Variants in NEK11 observed in about 807,000 individuals in gnomAD.
NEK11 encodes NIMA related kinase 11.
A neutral mutation model predicts 80.7 loss-of-function variants in NEK11; 72 were observed. The observed-to-expected ratio is 0.89, with a 90% confidence interval of 0.74 to 1.08. The LOEUF is 1.08. NEK11 is among the 50% of genes least tolerant of loss of function. NEK11 has a pLI of 0.00. For synonymous variants in NEK11, 251 were observed against 260.7 expected (o/e 0.96, Z 0.36); for missense variants, 764 against 763.6 (o/e 1.00, Z -0.01).
chr3:131,256,513 T>C (rs2095819525), intron 16 of NEK11, among the ~76,000 whole-genome samples: 1 of 152,182 alleles, frequency 6.6e-6, no homozygotes, highest in Non-Finnish European at 1.5e-5. Flanking sequence ...AATGCAGAAA[T>C]ATTTTTTATG....
chr3:131,209,946 A>G (rs968052934), intron 14 of NEK11, among the ~76,000 whole-genome samples: 2 of 152,176 alleles, frequency 1.3e-5, no homozygotes, highest in Admixed American at 6.5e-5. Flanking sequence ...TCTTGGATTC[A>G]TTGATTTTTT....
At chr3:131,297,395 C>T (rs1431333785) in intron 17 of NEK11, among the ~76,000 whole-genome samples, 1 of 151,936 alleles carries the variant, frequency 6.6e-6, no homozygotes, top group African/African-American at 2.4e-5. Context: ...TTTTGATTTG[C>T]ATTTCTCTGA....
At chr3:131,217,683 A>G (rs1030192591) in intron 14 of NEK11, among the ~76,000 whole-genome samples, 3 of 151,884 alleles carry the variant, frequency 2.0e-5, no homozygotes, top group African/African-American at 7.3e-5. Flanking sequence ...CTTTCCCTCC[A>G]CCTTTCTGGA....
chr3:131,133,869 A>G lies in NEK11; in HGVS notation c.560A>G (p.Asp187Gly), dbSNP rs778592358. 3 of 1,612,068 alleles carry G rather than the reference A, an allele frequency of 1.9e-6. No homozygotes were observed. The highest frequency in any genetic ancestry group is 2.5e-6 in the Non-Finnish European group (3 of 1,178,534). Reference sequence around the variant, plus strand: ...TCTCGACTTCTAATGGGATCCTGTGACCTGGCCACAACTTTAACTGGAACT... The same window carrying G: ...TCTCGACTTCTAATGGGATCCTGTGGCCTGGCCACAACTTTAACTGGAACT... ...GVSRLLMGSCDLATTLTGTPH... is the reference protein window; with the variant it reads ...GVSRLLMGSCGLATTLTGTPH... Residue 187 changes from aspartate (D) to glycine (G), a missense_variant, in exon 7 of 18, where the codon GAC (aspartate) becomes GGC (glycine). Transcript: ENST00000383366.
chr3:131,228,779 T>A (rs574681387), intron 15 of NEK11, 91 bp downstream of exon 15: 1 of 1,323,780 alleles, frequency 7.6e-7, no homozygotes. Context: ...TAAGGTGAAG[T>A]TGGGGACATG....
chr3:131,224,618 G>C (rs2095134799), intron 14 of NEK11, among the ~76,000 whole-genome samples: 1 of 152,082 alleles, frequency 6.6e-6, no homozygotes. Context: ...GGTCCTTCGG[G>C]AGGTATTTCA....
intron 12 of NEK11, among the ~76,000 whole-genome samples, chr3:131,168,347 T>A (rs1350753119): frequency 6.6e-6 from 1 of 151,324 alleles, no homozygotes; most frequent in Non-Finnish European, 1.5e-5. Context: ...CTTTTTTTTT[T>A]TTTATTTTTA....
At chr3:131,058,344 T>C (rs1000632046) in intron 3 of NEK11, among the ~76,000 whole-genome samples, 4 of 152,062 alleles carry the variant, frequency 2.6e-5, no homozygotes. Context: ...CTTTGTTCTT[T>C]TGGCTTAGGA....
chr3:131,227,292 T>C (rs553434115), intron 14 of NEK11, among the ~76,000 whole-genome samples: 13 of 152,304 alleles, frequency 8.5e-5, no homozygotes, highest in Admixed American at 7.2e-4. Flanking sequence ...TATCTTACTT[T>C]CAAAGGATTC....
At chr3:131,218,789 T>G (rs1371806882) in intron 14 of NEK11, among the ~76,000 whole-genome samples, 1 of 152,208 alleles carries the variant, frequency 6.6e-6, no homozygotes, top group African/African-American at 2.4e-5. Flanking sequence ...GATTTGCGTT[T>G]CTCTAATGAC....
chr3:131,255,324 G>C (rs1304864897), intron 16 of NEK11, among the ~76,000 whole-genome samples: 2 of 152,056 alleles, frequency 1.3e-5, no homozygotes, highest in Non-Finnish European at 2.9e-5. Flanking sequence ...AGTAACATGT[G>C]ATCTGTTATC....
chr3:131,097,967 A>G, intron 4 of NEK11, among the ~76,000 whole-genome samples: 1 of 145,714 alleles, frequency 6.9e-6, no homozygotes, highest in Admixed American at 6.9e-5. Context: ...ATATAGATCA[A>G]TGGAACAGAA....
rs1214550397 is a variant in NEK11, at chr3:131,064,410, G to A, written c.171-16013G>A. ...CTCTGTTTTCACATGGCCTTTCTGT[G>A]TTTGTGCAAGCGTGTCCCTGGTCTC... is the stretch of plus-strand genomic sequence containing the variant. On this transcript the variant is annotated intron_variant, in intron 3 of 17. Transcript: ENST00000383366. Among the ~76,000 whole-genome samples the A allele has an allele frequency of 2.6e-5, 4 of 152,072 alleles. No individual in the cohort carries two copies. In the East Asian group the frequency reaches 7.7e-4, roughly 29 times the overall value.
rs137956269 is a variant in NEK11, at chr3:131,099,044, T to G, written c.337-10759T>G. On this transcript the variant is annotated intron_variant, in intron 4 of 17. Transcript: ENST00000383366. Reference sequence around the variant, plus strand: ...TTTGAGAACTTAGCCAGAAATTCTTTGCCAAGACCAATGTCAAGAAGGGCA... The same window carrying G: ...TTTGAGAACTTAGCCAGAAATTCTTGGCCAAGACCAATGTCAAGAAGGGCA... Among the ~76,000 whole-genome samples the G allele has an allele frequency of 1.2e-3, 190 of 152,332 alleles. 2 individuals carry two copies. In the East Asian group the frequency reaches 0.026, roughly 21 times the overall value.
chr3:131,096,938 A>C (rs1229287871), intron 4 of NEK11, among the ~76,000 whole-genome samples: 1 of 126,690 alleles, frequency 7.9e-6, no homozygotes, highest in African/African-American at 3.1e-5. Flanking sequence ...TCCTGTGTCC[A>C]TGTGTTCTCA....
intron 14 of NEK11, among the ~76,000 whole-genome samples, chr3:131,218,667 C>A (rs2094922242): frequency 6.6e-6 from 1 of 152,100 alleles, no homozygotes; most frequent in Non-Finnish European, 1.5e-5. Context: ...TAAAATGAGG[C>A]TGATAGGGTG....
chr3:131,080,039 T>TTGTGTGTGTGTGTGTG (rs34144326), intron 3 of NEK11, among the ~76,000 whole-genome samples: 41 of 148,956 alleles, frequency 2.8e-4, no homozygotes, highest in African/African-American at 9.8e-4. Flanking sequence ...GTGTGTGTGT[T>TTGTGTGTGTGTGTGTG]TGTGTGTGTG....
chr3:131,245,301 T>TTGTGTGTGTGTGTGTGTGTGTG lies in NEK11; in HGVS notation c.1621+1811_1621+1832dup, dbSNP rs4044352. 1.2e-3 allele frequency among the ~76,000 whole-genome samples: 172 copies of TTGTGTGTGTGTGTGTGTGTGTG among 140,790 alleles called. 2 individuals carry two copies. The highest frequency in any genetic ancestry group is 4.6e-3 in the African/African-American group (161 of 35,312). The allele number at this position is 140,790 out of a possible 152,430, so 92.4% of individuals were successfully genotyped here. On this transcript the variant is annotated intron_variant, in intron 16 of 17. Coordinates refer to ENST00000383366, the MANE Select transcript of NEK11 (RefSeq NM_024800.5). Reference sequence around the variant, plus strand: ...TTTTTTGTGGTTGAATAGTATTCCATTGTGTGTGTGTGTGTGTGTGTGTGT... The same window carrying TTGTGTGTGTGTGTGTGTGTGTG: ...TTTTTTGTGGTTGAATAGTATTCCATTGTGTGTGTGTGTGTGTGTGTGTGTGTGTGTGTGTGTGTGTGTGTGT...
intron 4 of NEK11, among the ~76,000 whole-genome samples, chr3:131,108,756 A>G (rs1480541826): frequency 6.6e-6 from 1 of 151,970 alleles, no homozygotes; most frequent in East Asian, 1.9e-4. Context: ...AAATGCTTAA[A>G]CGATGTGCTT....
Sources: allele counts gnomAD v4.1 joint callset (sites outside exome capture counted in the v4.1 genomes callset), GRCh38; gene constraint gnomAD v4.1.1; transcripts MANE v1.5; gene names NCBI Gene and HGNC (gene_info 2026-07-23, HGNC 2026-07-21).